HPSE2: variants seen among roughly 807,000 people sequenced by gnomAD.
HPSE2 encodes the protein inactive heparanase-2.
HPSE2 carries 38 observed loss-of-function variants against 60.5 expected under a neutral mutation model. The ratio of observed to expected loss-of-function variants is 0.63; its 90% confidence interval spans 0.48 to 0.82. The LOEUF (loss-of-function observed/expected upper bound fraction) is 0.82. HPSE2 is among the 40% of genes least tolerant of loss of function. The pLI, the probability that HPSE2 is intolerant of heterozygous loss-of-function variation, is 0.00. For synonymous variants in HPSE2, 295 were observed against 293.2 expected, an observed-to-expected ratio of 1.01 and a Z score of -0.06; for missense variants, 713 against 740.4, an observed-to-expected ratio of 0.96 and a Z score of 0.43.
chr10:98,956,795 C>T (rs1564689666), intron 3 of HPSE2, among the ~76,000 whole-genome samples: 1 of 52,658 alleles, frequency 1.9e-5, no homozygotes, highest in Non-Finnish European at 3.9e-5. Flanking sequence ...TGGCAATGTG[C>T]CTAACAAAGA....
chr10:98,960,713 T>TG (rs1955640099), intron 3 of HPSE2, among the ~76,000 whole-genome samples: 1 of 76,848 alleles, frequency 1.3e-5, no homozygotes, highest in Non-Finnish European at 3.0e-5. Flanking sequence ...TTTTTTTTTT[T>TG]TTTTTTTGTT....
chr10:98,789,367 T>A (rs1167752453), intron 3 of HPSE2, among the ~76,000 whole-genome samples: 1 of 152,174 alleles, frequency 6.6e-6, no homozygotes, highest in African/African-American at 2.4e-5. Context: ...AGAGGATGAA[T>A]GTTGCAGGAT....
intron 3 of HPSE2, among the ~76,000 whole-genome samples, chr10:98,835,047 C>T (rs1315216378): frequency 2.0e-5 from 3 of 152,024 alleles, no homozygotes; most frequent in Admixed American, 1.3e-4. Context: ...TAAACAAATG[C>T]TTTTGGCGGG....
the HPSE2 span, among the ~76,000 whole-genome samples, chr10:99,250,467 A>G: frequency 6.6e-6 from 1 of 152,232 alleles, no homozygotes; most frequent in Non-Finnish European, 1.5e-5. Flanking sequence ...AATATAACAA[A>G]GAATCTGGAC....
the HPSE2 span, among the ~76,000 whole-genome samples, chr10:99,246,691 G>A: frequency 6.7e-6 from 1 of 148,784 alleles, no homozygotes; most frequent in Non-Finnish European, 1.5e-5. Flanking sequence ...AGGTTGCAGT[G>A]AGCCGAGATC....
At chr10:99,011,888 A>AT (rs1342324615) in intron 3 of HPSE2, among the ~76,000 whole-genome samples, 4 of 151,978 alleles carry the variant, frequency 2.6e-5, no homozygotes, top group Admixed American at 2.0e-4. Context: ...AAATGCTTGC[A>AT]TTTTATAATT....
Position 98,953,912 on chromosome 10 carries a change from G to T in HPSE2, c.610+190326C>A, listed in dbSNP as rs1955438273. On this transcript the variant is annotated intron_variant, in intron 3 of 11. Transcript: ENST00000370552. ...TCATGTTTTTGCCAGGATTGAAAAG[G>T]TACCATAATCAAAATGCTGATTATA... Among the ~76,000 whole-genome samples, 6 of 152,090 alleles carry T rather than the reference G, an allele frequency of 3.9e-5. No individual in the cohort carries two copies. In the South Asian group the frequency reaches 1.2e-3, roughly 32 times the overall value.
At chr10:99,101,366 C>G (rs1006642821) in intron 3 of HPSE2, among the ~76,000 whole-genome samples, 1 of 152,060 alleles carries the variant, frequency 6.6e-6, no homozygotes, top group Admixed American at 6.6e-5. Flanking sequence ...AGACTTTAAA[C>G]CAACAAAGAT....
rs557628668 is a variant in HPSE2, at chr10:98,901,880, C to T, written c.611-157824G>A. On this transcript the variant is annotated intron_variant, in intron 3 of 11. Coordinates refer to ENST00000370552, the MANE Select transcript of HPSE2 (RefSeq NM_021828.5). ...GATTAAAGAGGTAATGCATGTAAAG[C>T]AGTTAACATAACGCCTGGCATATGG... is the stretch of plus-strand genomic sequence containing the variant. Among the ~76,000 whole-genome samples, 6 of 152,250 alleles carry T rather than the reference C, an allele frequency of 3.9e-5. No individual in the cohort carries two copies. The South Asian group carries it at 1.2e-3, about 32-fold the overall frequency.
At chr10:98,846,018 C>T (rs1349924962) in intron 3 of HPSE2, among the ~76,000 whole-genome samples, 1 of 152,166 alleles carries the variant, frequency 6.6e-6, no homozygotes, top group East Asian at 1.9e-4. Flanking sequence ...TGTGGGATTT[C>T]TGTTTCCTAT....
intron 3 of HPSE2, among the ~76,000 whole-genome samples, chr10:98,912,220 G>T (rs1306051117): frequency 3.9e-5 from 6 of 152,154 alleles, no homozygotes; most frequent in Non-Finnish European, 8.8e-5. Flanking sequence ...TTTGTTCTCT[G>T]CAACAAAGAC....
intron 5 of HPSE2, among the ~76,000 whole-genome samples, chr10:98,716,363 C>G (rs898473431): frequency 5.9e-5 from 9 of 151,896 alleles, no homozygotes; most frequent in African/African-American, 2.2e-4. Flanking sequence ...GTGCAGCACA[C>G]CAGCATGGCA....
At chr10:99,173,399 C>G (rs1847393714) in intron 2 of HPSE2, among the ~76,000 whole-genome samples, 1 of 151,868 alleles carries the variant, frequency 6.6e-6, no homozygotes, top group Non-Finnish European at 1.5e-5. Context: ...GAGATTAGAC[C>G]CAGGAAAGAG....
In HPSE2 at chr10:98,796,206, C is replaced by T. The variant is rs559926987; in HGVS notation, c.611-52150G>A. ...TCAGCTCAGCCACAGTGAGGTAAAG[C>T]GACAAGCAGTTTCTGGGGGTCCCTG... On this transcript the variant is annotated intron_variant, in intron 3 of 11. Transcript: ENST00000370552. 3.1e-4 allele frequency among the ~76,000 whole-genome samples: 47 copies of T among 152,308 alleles called. 1 individual carries two copies. The highest frequency in any genetic ancestry group is 1.0e-3 in the South Asian group (5 of 4,828).
intron 2 of HPSE2, among the ~76,000 whole-genome samples, chr10:99,186,154 A>ACACACACACACACAC (rs1589795210): frequency 2.7e-5 from 4 of 149,720 alleles, no homozygotes; most frequent in Non-Finnish European, 4.4e-5. Context: ...ACACACACAC[A>ACACACACACACACAC]AGGCATATCA....
chr10:98,473,502 A>G (rs1282034045), intron 11 of HPSE2, among the ~76,000 whole-genome samples: 10 of 131,938 alleles, frequency 7.6e-5, no homozygotes, highest in Non-Finnish European at 1.6e-5. Context: ...AAAAAAAAAA[A>G]AAGAAGGCAG....
intron 3 of HPSE2, among the ~76,000 whole-genome samples, chr10:98,856,775 T>A (rs1238904848): frequency 1.3e-5 from 2 of 152,134 alleles, no homozygotes; most frequent in Admixed American, 6.5e-5. Context: ...GAAATAGAGA[T>A]TTTTTTCAAC....
chr10:98,804,064 A>G (rs1479627031), intron 3 of HPSE2, among the ~76,000 whole-genome samples: 1 of 151,808 alleles, frequency 6.6e-6, no homozygotes, highest in African/African-American at 2.4e-5. Flanking sequence ...ATTCCTAGGT[A>G]TTTTATTCTC....
intron 3 of HPSE2, among the ~76,000 whole-genome samples, chr10:98,862,596 T>C (rs994644673): frequency 1.3e-5 from 2 of 152,274 alleles, no homozygotes; most frequent in African/African-American, 2.4e-5. Context: ...GGGAGAGTGA[T>C]CATGGAAGGA....
Sources: allele counts gnomAD v4.1 joint callset (sites outside exome capture counted in the v4.1 genomes callset), GRCh38; gene constraint gnomAD v4.1.1; transcripts MANE v1.5; gene names NCBI Gene and HGNC (gene_info 2026-07-23, HGNC 2026-07-21).